The following BDH2 variants were observed in gnomAD, a reference collection of about 807,000 sequenced individuals.
BDH2 encodes the protein 3-hydroxybutyrate dehydrogenase 2, also known as dehydrogenase/reductase SDR family member 6.
In BDH2, 24 loss-of-function variants were observed where a neutral mutation model predicts 33.2. That is an observed-to-expected ratio of 0.72 (90% CI 0.52 to 1.02). The LOEUF (loss-of-function observed/expected upper bound fraction) is 1.02, where lower values mean the gene tolerates loss of function less well. BDH2 is among the 50% of genes least tolerant of loss of function. The pLI, the probability that BDH2 is intolerant of heterozygous loss-of-function variation, is 0.00. For synonymous variants in BDH2, 81 were observed against 101.6 expected (o/e 0.80, Z 1.22); for missense variants, 249 against 301.6 (o/e 0.83, Z 1.29).
At chr4:103,081,974 T>G (rs1747545290) in intron 9 of BDH2, 107 bp downstream of exon 9, 1 of 866,184 alleles carries the variant, frequency 1.2e-6, no homozygotes, top group South Asian at 1.6e-5. Flanking sequence ...ATGTAGCATC[T>G]TAGCACATAT....
At chr4:103,091,420 G>C in intron 4 of BDH2, 135 bp from the exon 5 acceptor site, 1 of 586,248 alleles carries the variant, frequency 1.7e-6, no homozygotes, top group Admixed American at 3.0e-5. Context: ...ACAATTCATA[G>C]TATCACTTAG....
At chr4:103,094,383 C>A (rs1176068268) in intron 3 of BDH2, among the ~76,000 whole-genome samples, 1 of 152,116 alleles carries the variant, frequency 6.6e-6, no homozygotes, top group African/African-American at 2.4e-5. Flanking sequence ...GTATTGTATA[C>A]TTGAAATTTG....
chr4:103,082,720 T>C (rs767335800), intron 8 of BDH2, 151 bp downstream of exon 8: 74 of 680,322 alleles, frequency 1.1e-4, no homozygotes, highest in Non-Finnish European at 1.7e-4. Context: ...GGAACCTCTC[T>C]ACTCATTAAG....
intron 1 of BDH2, chr4:103,098,982 G>A (rs1220433082): frequency 6.6e-6 from 1 of 152,044 alleles, no homozygotes; most frequent in East Asian, 1.9e-4. Flanking sequence ...GACCTACTTT[G>A]ATGCAATGAA....
In BDH2 at chr4:103,095,233, A is replaced by G; in HGVS notation, c.121T>C (p.Ser41Pro). Residue 41 changes from serine to proline, a missense_variant, in exon 3 of 10, where the codon TCC (serine) becomes CCC (proline). Transcript: ENST00000296424. ...TACTTTTCCAGTTCCTGAAGTTTGG[A>G]CTCATTAATGTCTGTGGCTATGACT... ...AKVIATDINE[S>P]KLQELEKYPG... 1 of 1,613,752 alleles carries G rather than the reference A, an allele frequency of 6.2e-7. No individual in the cohort carries two copies. The highest frequency in any genetic ancestry group is 8.5e-7 in the Non-Finnish European group (1 of 1,179,816).
intron 4 of BDH2, 88 bp from the exon 5 acceptor site, chr4:103,091,373 C>CA: frequency 2.6e-6 from 2 of 774,554 alleles, no homozygotes; most frequent in Non-Finnish European, 4.5e-6. Context: ...CACTTAGTGA[C>CA]TTAGACCACT....
chr4:103,096,314 T>C (rs918881086), intron 1 of BDH2, 40 bp from the exon 2 acceptor site: 4 of 1,335,024 alleles, frequency 3.0e-6, no homozygotes, highest in African/African-American at 1.4e-5. Context: ...CTGTAGAACA[T>C]GATCTTGAGC....
Position 103,096,266 on chromosome 4 carries a change from T to C in BDH2, c.-12A>G. The C allele has an allele frequency of 6.2e-7, 1 of 1,610,984 alleles. No homozygotes were observed. Among genetic ancestry groups the C allele is most frequent in the Non-Finnish European group, 8.5e-7 (1 of 1,177,372 alleles). On this transcript the variant is annotated 5_prime_UTR_variant, in exon 2 of 10. Coordinates refer to ENST00000296424, the MANE Select transcript of BDH2 (RefSeq NM_020139.4). ...TCAAGTCGACCCATAATGGAACCTG[T>C]GGTTTAATCTAAAGACATGTGTGTT...
chr4:103,086,063 G>A (rs543488265), intron 6 of BDH2: 5 of 1,140,058 alleles, frequency 4.4e-6, no homozygotes, highest in Non-Finnish European at 5.4e-6. Flanking sequence ...ACAGCGCTTT[G>A]TACAAACCTC....
At chr4:103,095,167 C>A (rs1199333312) in intron 3 of BDH2, 36 bp downstream of exon 3, 1 of 1,554,580 alleles carries the variant, frequency 6.4e-7, no homozygotes, top group East Asian at 2.2e-5. Context: ...ACCTTGCAGA[C>A]ACTGAATCCC....
intron 3 of BDH2, among the ~76,000 whole-genome samples, chr4:103,094,719 G>A (rs915503037): frequency 5.3e-5 from 8 of 151,864 alleles, no homozygotes; most frequent in Non-Finnish European, 1.0e-4. Context: ...AGTGCATGTT[G>A]AGATTATATT....
chr4:103,086,479 C>T lies in BDH2; in HGVS notation c.418+1G>A, dbSNP rs758382375. 2 of 1,612,788 alleles carry T rather than the reference C, an allele frequency of 1.2e-6. No homozygotes were observed. The highest frequency in any genetic ancestry group is 4.5e-5 in the East Asian group (2 of 44,878). On this transcript the variant is annotated splice_donor_variant, in intron 6 of 9. Coordinates refer to ENST00000296424, the MANE Select transcript of BDH2 (RefSeq NM_020139.4). LOFTEE classifies it high-confidence loss of function. ...CAGTCCTCGGAAGGAGACAGACCCA[C>T]CTTTGACGCTGGAAGCCACAGAAGA...
At chr4:103,093,603 TTAA>T (rs1219395176) in intron 3 of BDH2, among the ~76,000 whole-genome samples, 2 of 147,824 alleles carry the variant, frequency 1.4e-5, no homozygotes, top group African/African-American at 2.5e-5. Flanking sequence ...ATACAATGTA[TTAA>T]TATGTATACA....
chr4:103,089,196 T>G (rs1747950625), intron 5 of BDH2, among the ~76,000 whole-genome samples: 1 of 152,220 alleles, frequency 6.6e-6, no homozygotes. Flanking sequence ...ATGGGATATG[T>G]GTGTCATAGT....
intron 9 of BDH2, among the ~76,000 whole-genome samples, chr4:103,080,063 G>T (rs1385040263): frequency 1.3e-5 from 2 of 152,118 alleles, no homozygotes; most frequent in Admixed American, 6.5e-5. Flanking sequence ...TAGGATATAG[G>T]CTAAAAGCAC....
At chr4:103,088,573 C>T (rs77420483) in intron 5 of BDH2, among the ~76,000 whole-genome samples, 1 of 152,182 alleles carries the variant, frequency 6.6e-6, no homozygotes, top group Non-Finnish European at 1.5e-5. Context: ...CTCCCTGGCT[C>T]CCCATGCAAT....
intron 9 of BDH2, among the ~76,000 whole-genome samples, chr4:103,079,997 A>G (rs554749056): frequency 6.6e-6 from 1 of 152,320 alleles, no homozygotes; most frequent in South Asian, 2.1e-4. Context: ...ACTGTTAGGT[A>G]TTTGGTCTCA....
chr4:103,093,740 T>G (rs1360238910), intron 3 of BDH2, among the ~76,000 whole-genome samples: 1 of 147,524 alleles, frequency 6.8e-6, no homozygotes, highest in Non-Finnish European at 1.5e-5. Context: ...ATATAATATA[T>G]AATTATCTAT....
chr4:103,090,350 C>T (rs545957477), intron 5 of BDH2, among the ~76,000 whole-genome samples: 14 of 152,220 alleles, frequency 9.2e-5, no homozygotes, highest in African/African-American at 1.7e-4. Flanking sequence ...AACATTGATG[C>T]GTTGTGTGAA....
Sources: allele counts gnomAD v4.1 joint callset (sites outside exome capture counted in the v4.1 genomes callset), GRCh38; gene constraint gnomAD v4.1.1; transcripts MANE v1.5; gene names NCBI Gene and HGNC (gene_info 2026-07-23, HGNC 2026-07-21).